Variants in SLC1A2 observed in about 807,000 individuals in gnomAD.
The protein encoded by SLC1A2 is solute carrier family 1 member 2.
In SLC1A2, 15 loss-of-function variants were observed where a neutral mutation model predicts 48.8. The observed-to-expected ratio is 0.31, with a 90% confidence interval of 0.21 to 0.47. The LOEUF is 0.47. SLC1A2 is among the 20% of genes least tolerant of loss of function. SLC1A2 has a pLI of 0.99. For synonymous variants in SLC1A2, 279 were observed against 272.6 expected, an observed-to-expected ratio of 1.02 and a Z score of -0.23; for missense variants, 502 against 730.5, an observed-to-expected ratio of 0.69 and a Z score of 3.61.
chr11:35,396,865 G>A (rs993516345), intron 1 of SLC1A2, among the ~76,000 whole-genome samples: 1 of 151,806 alleles, frequency 6.6e-6, no homozygotes, highest in African/African-American at 2.4e-5. Context: ...AAAATCACAA[G>A]CATTCTTATA....
At position 35,356,848 on chromosome 11, in the gene SLC1A2, C is replaced by G. The variant is rs141323848; in HGVS notation, c.18-39332G>C. On this transcript the variant is annotated intron_variant, in intron 1 of 10. Transcript: ENST00000278379. ...AAATGTAAAACTAATTTTCTGATAA[C>G]ACATTATTTAAGTATTGTTATTTCA... Among the ~76,000 whole-genome samples the G allele has an allele frequency of 7.9e-4, 121 of 152,236 alleles. 1 individual carries two copies. Among genetic ancestry groups the G allele is most frequent in the African/African-American group, 2.7e-3 (112 of 41,524 alleles).
chr11:35,331,271 C>A (rs1170167930), intron 1 of SLC1A2, among the ~76,000 whole-genome samples: 1 of 152,214 alleles, frequency 6.6e-6, no homozygotes, highest in African/African-American at 2.4e-5. Flanking sequence ...GGCTCAGCAA[C>A]ACCATGCCTC....
In SLC1A2 at chr11:35,301,616, T is replaced by A; in HGVS notation, c.760A>T (p.Ile254Phe). The A allele has an allele frequency of 1.2e-6, 2 of 1,613,908 alleles. No individual in the cohort carries two copies. Among genetic ancestry groups the A allele is most frequent in the Non-Finnish European group, 1.7e-6 (2 of 1,179,830 alleles). Residue 254 changes from isoleucine to phenylalanine, a missense_variant, in exon 6 of 11, where the codon ATC (isoleucine) becomes TTC (phenylalanine). Physicochemically the swap from Ile to Phe is conservative, Grantham distance 21. Around this residue, in one of 4 missense-constraint regions of SLC1A2, gnomAD observed 309 missense variants for 480.3 expected, o/e 0.64. Transcript: ENST00000278379. ...GLIGFFIAFG[I>F]AMGKMGDQAK... The stretch of plus-strand genomic sequence containing the variant: ...TGATCTCCCATCTTCCCCATAGCGA[T>A]GCCAAAAGCAATGAAAAACCCTATC...
intron 9 of SLC1A2, among the ~76,000 whole-genome samples, chr11:35,276,081 G>A (rs1006492621): frequency 7.2e-5 from 11 of 152,080 alleles, no homozygotes; most frequent in African/African-American, 2.2e-4. Flanking sequence ...GTGCTTATTT[G>A]TATACAAACA....
chr11:35,368,237 T>G (rs75878668), intron 1 of SLC1A2, among the ~76,000 whole-genome samples: 2 of 152,214 alleles, frequency 1.3e-5, no homozygotes, highest in Non-Finnish European at 2.9e-5. Context: ...AGCTATATGA[T>G]TTCCCTGGAT....
intron 1 of SLC1A2, among the ~76,000 whole-genome samples, chr11:35,344,799 C>T (rs1235794170): frequency 2.6e-5 from 4 of 152,182 alleles, no homozygotes; most frequent in East Asian, 1.9e-4. Context: ...AAACTATCTT[C>T]GAGCAATAAA....
At chr11:35,351,631 TTTTA>T (rs1388816444) in intron 1 of SLC1A2, among the ~76,000 whole-genome samples, 2 of 152,068 alleles carry the variant, frequency 1.3e-5, no homozygotes, top group Non-Finnish European at 2.9e-5. Context: ...TATTTTTTAT[TTTTA>T]TTTATTTATT....
At chr11:35,391,628 G>C (rs961627611) in intron 1 of SLC1A2, 1 of 152,236 alleles carries the variant, frequency 6.6e-6, no homozygotes. Flanking sequence ...AATGGGAACA[G>C]GTTTGGTTGG....
At chr11:35,379,828 G>A (rs985206640) in intron 1 of SLC1A2, among the ~76,000 whole-genome samples, 6 of 152,148 alleles carry the variant, frequency 3.9e-5, no homozygotes, top group Non-Finnish European at 7.3e-5. Context: ...AATTACTTAC[G>A]TGGCGAATCC....
At chr11:35,337,697 A>G (rs1396669796) in intron 1 of SLC1A2, among the ~76,000 whole-genome samples, 1 of 152,114 alleles carries the variant, frequency 6.6e-6, no homozygotes. Flanking sequence ...GCAAACTCCA[A>G]AACTGCCCCA....
rs1207402621 is a variant in SLC1A2 at position 35,253,819 on chromosome 11, T to C, written c.*7075A>G. 1 of 152,670 alleles carries C rather than the reference T, an allele frequency of 6.6e-6. No individual in the cohort carries two copies. Among genetic ancestry groups the C allele is most frequent in the Non-Finnish European group, 1.5e-5 (1 of 68,044 alleles). 9.5% of individuals were successfully genotyped at this position (152,670 alleles called of 1,614,324 possible). A position where few individuals can be genotyped will look rare whatever the true frequency, so the allele number is the denominator to read the frequency against. ...ACATAGAAAATACTGTAAGAAAATA[T>C]GTCTGCAAAATTACAGATACTAAAT... On this transcript the variant is annotated 3_prime_UTR_variant, in exon 11 of 11. Coordinates refer to ENST00000278379, the MANE Select transcript of SLC1A2 (RefSeq NM_004171.4).
intron 1 of SLC1A2, among the ~76,000 whole-genome samples, chr11:35,411,567 C>T (rs546750427): frequency 1.4e-4 from 21 of 152,304 alleles, no homozygotes; most frequent in African/African-American, 4.3e-4. Flanking sequence ...GAGATCCTCT[C>T]GCCTCAGCCT....
intron 8 of SLC1A2, chr11:35,285,965 A>G (rs1850806129): frequency 6.6e-6 from 1 of 152,186 alleles, no homozygotes; most frequent in Non-Finnish European, 1.5e-5. Context: ...TAAAAAGATG[A>G]TTGCAAAAAG....
At position 35,301,282 on chromosome 11, in the gene SLC1A2, C is replaced by G. The variant is rs1851347174; in HGVS notation, c.857+237G>C. On this transcript the variant is annotated intron_variant, in intron 6 of 10. Transcript: ENST00000278379. ...ATAAAAATATACAACCCATTCTCAACTCGCTGGCCATATAAAAGAGAGAGT... is the reference window on the plus strand; with the variant it reads ...ATAAAAATATACAACCCATTCTCAAGTCGCTGGCCATATAAAAGAGAGAGT... Among the ~76,000 whole-genome samples, 2 of 152,210 alleles carry G rather than the reference C, an allele frequency of 1.3e-5. 1 individual carries two copies.
At chr11:35,291,590 T>C (rs1851011298) in intron 7 of SLC1A2, 1 of 152,252 alleles carries the variant, frequency 6.6e-6, no homozygotes, top group Non-Finnish European at 1.5e-5. Context: ...TATGTATTTC[T>C]TCTTGTTCAT....
At chr11:35,381,987 A>G (rs971004621) in intron 1 of SLC1A2, among the ~76,000 whole-genome samples, 2 of 152,232 alleles carry the variant, frequency 1.3e-5, no homozygotes, top group Admixed American at 6.5e-5. Flanking sequence ...ACAAACAGTA[A>G]CTGTATCTGT....
intron 1 of SLC1A2, among the ~76,000 whole-genome samples, chr11:35,345,174 C>T (rs770624561): frequency 3.0e-4 from 45 of 152,314 alleles, no homozygotes; most frequent in Non-Finnish European, 5.7e-4. Flanking sequence ...TCACATATGC[C>T]GCCAAAGGAC....
At chr11:35,414,879 G>A (rs1855563420) in intron 1 of SLC1A2, among the ~76,000 whole-genome samples, 1 of 152,230 alleles carries the variant, frequency 6.6e-6, no homozygotes, top group Non-Finnish European at 1.5e-5. Context: ...CATGCCAAGA[G>A]GCAAGCCAGT....
rs374270312 is a variant in SLC1A2, at chr11:35,265,700, A to G, written c.1480T>C (p.Tyr494His). The change falls in exon 10 of 11, where the codon TAT becomes CAT. Residue 494 changes from tyrosine to histidine, a missense_variant. Tyr to His is a moderately conservative substitution (Grantham distance 83). This residue lies in a region of SLC1A2 where 102 missense variants were observed against 107.2 expected (regional missense o/e 0.95). Transcript: ENST00000278379. ...VGDSFGAGIV[Y>H]HLSKSELDTI... ...TCCAGCTCAGACTTGGAGAGGTGAT[A>G]GACTATCCCAGCCCCAAAAGAGTCA... The G allele has an allele frequency of 1.2e-6, 2 of 1,613,974 alleles. No individual in the cohort carries two copies. Among genetic ancestry groups the G allele is most frequent in the African/African-American group, 2.7e-5 (2 of 74,938 alleles).
Sources: gnomAD v4.1 joint callset for allele counts (sites outside exome capture counted in the v4.1 genomes callset) on GRCh38, gnomAD v4.1.1 for gene constraint, gnomAD v4.1.1 regional missense constraint, MANE v1.5 for transcripts, NCBI Gene and HGNC (gene_info 2026-07-23, HGNC 2026-07-21) for gene names.